Variants in TENM1 observed in about 807,000 individuals in gnomAD.
TENM1 encodes the protein teneurin transmembrane protein 1, also known as teneurin-1.
TENM1 carries 35 observed loss-of-function variants against 174.8 expected under a neutral mutation model. The observed-to-expected ratio is 0.20, with a 90% confidence interval of 0.15 to 0.27. TENM1 has a LOEUF of 0.27. Ranked by LOEUF, TENM1 falls within the 10% of genes least tolerant of loss-of-function variation. The pLI, the probability that TENM1 is intolerant of heterozygous loss-of-function variation, is 1.00. For synonymous variants in TENM1, 781 were observed against 798.7 expected (o/e 0.98, Z 0.37); for missense variants, 1,633 against 2,130.1 (o/e 0.77, Z 4.59).
At chrX:124,995,482 A>T in the TENM1 span, among the ~76,000 whole-genome samples, 3 of 111,334 alleles carry the variant, frequency 2.7e-5, no homozygotes, top group East Asian at 8.5e-4. Flanking sequence ...CTAGCATAGA[A>T]TTTTTCAAGG....
At chrX:125,082,343 A>G in the TENM1 span, among the ~76,000 whole-genome samples, 1 of 110,488 alleles carries the variant, frequency 9.1e-6, no homozygotes, top group Non-Finnish European at 1.9e-5. Context: ...TTTCTACAAC[A>G]TATGAATCAG....
At chrX:124,547,449 C>T (rs2186) in intron 14 of TENM1, among the ~76,000 whole-genome samples, 32,923 of 111,037 alleles carry the variant, frequency 0.3, 3,866 homozygotes, top group East Asian at 0.78. Flanking sequence ...TTTCCGAATG[C>T]GATGATTTCT....
chrX:124,670,260 T>C (rs1368750116), intron 6 of TENM1, among the ~76,000 whole-genome samples: 1 of 112,410 alleles, frequency 8.9e-6, no homozygotes, highest in Non-Finnish European at 1.9e-5. Flanking sequence ...TGTTTCATTT[T>C]CCTCAGACAG....
chrX:124,676,864 CAAA>C (rs57417124), intron 5 of TENM1, among the ~76,000 whole-genome samples: 1,308 of 57,066 alleles, frequency 0.023, 12 homozygotes, highest in South Asian at 0.036. Flanking sequence ...CTCATTGACT[CAAA>C]AAAAAAAAAA....
At chrX:124,448,678 G>A (rs897615184) in intron 23 of TENM1, among the ~76,000 whole-genome samples, 3 of 111,945 alleles carry the variant, frequency 2.7e-5, no homozygotes, top group African/African-American at 9.7e-5. Flanking sequence ...AGGTATAGAT[G>A]TTAACTGTAC....
intron 3 of TENM1, among the ~76,000 whole-genome samples, chrX:124,822,444 C>G (rs950032428): frequency 1.8e-5 from 2 of 111,982 alleles, no homozygotes; most frequent in Non-Finnish European, 3.8e-5. Flanking sequence ...TTACATGTGT[C>G]TGTTGCATCC....
At chrX:124,916,284 T>C in intron 1 of TENM1, among the ~76,000 whole-genome samples, 1 of 111,422 alleles carries the variant, frequency 9.0e-6, no homozygotes, top group Non-Finnish European at 1.9e-5. Context: ...GGTTTGAATG[T>C]TTTCCCCCTC....
intron 17 of TENM1, among the ~76,000 whole-genome samples, chrX:124,522,340 C>T (rs2047869196): frequency 9.0e-6 from 1 of 111,346 alleles, no homozygotes; most frequent in South Asian, 3.8e-4. Context: ...ATTTCTGGAT[C>T]TGTTAAGACC....
At chrX:125,138,635 A>G in the TENM1 span, among the ~76,000 whole-genome samples, 1 of 110,994 alleles carries the variant, frequency 9.0e-6, no homozygotes, top group Non-Finnish European at 1.9e-5. Context: ...GTATGCTGTT[A>G]GAAGACAGAA....
At chrX:124,862,534 C>T (rs1434810021) in intron 3 of TENM1, among the ~76,000 whole-genome samples, 1 of 110,974 alleles carries the variant, frequency 9.0e-6, no homozygotes, top group African/African-American at 3.3e-5. Context: ...ATAACCGGAC[C>T]AAACTCAGCA....
chrX:124,492,126 C>T (rs1441192760), intron 20 of TENM1, among the ~76,000 whole-genome samples: 1 of 111,794 alleles, frequency 8.9e-6, no homozygotes, highest in East Asian at 2.8e-4. Context: ...CTCTCTATCC[C>T]ATTCTACAAT....
At chrX:124,487,710 T>C (rs2046982406) in intron 20 of TENM1, among the ~76,000 whole-genome samples, 2 of 111,508 alleles carry the variant, frequency 1.8e-5, no homozygotes, top group Non-Finnish European at 3.8e-5. Flanking sequence ...GGACTAACCA[T>C]TTTAGGCTTT....
chrX:125,138,808 A>C, the TENM1 span, among the ~76,000 whole-genome samples: 1 of 110,817 alleles, frequency 9.0e-6, no homozygotes, highest in African/African-American at 3.3e-5. Flanking sequence ...TTTTCTATTA[A>C]GTATATTAAA....
rs2054741972 is a variant in TENM1, at chrX:124,774,710, C to CCAA, written c.536-37514_536-37513insTTG. Among the ~76,000 whole-genome samples the CCAA allele has an allele frequency of 4.5e-5, 5 of 111,659 alleles. 1 individual carries two copies. The highest frequency in any genetic ancestry group is 9.3e-3 in the Middle Eastern group (2 of 216). On this transcript the variant is annotated intron_variant, in intron 3 of 31. Transcript: ENST00000422452. ...ATGCTGAGTCCACACTTCTTATGGG[C>CCAA]TACTTCCAGCCAATGACTGTACTAA...
chrX:124,951,673 T>TATATATATATAA (rs767583231), intron 1 of TENM1, among the ~76,000 whole-genome samples: 1,955 of 65,884 alleles, frequency 0.03, 43 homozygotes, highest in East Asian at 0.037. Context: ...TATATATATA[T>TATATATATATAA]AACAATCAAT....
chrX:124,723,789 C>T (rs1311653117), intron 4 of TENM1, among the ~76,000 whole-genome samples: 5 of 109,415 alleles, frequency 4.6e-5, no homozygotes, highest in Non-Finnish European at 7.6e-5. Flanking sequence ...TTAGTAGAGA[C>T]GGGGTTTCAC....
chrX:124,803,190 ATGTTAACCTT>A (rs781402735), intron 3 of TENM1, among the ~76,000 whole-genome samples: 2 of 111,966 alleles, frequency 1.8e-5, no homozygotes, highest in African/African-American at 6.5e-5. Context: ...ATAATAATGA[ATGTTAACCTT>A]TCATTATATT....
At chrX:124,535,710 C>G (rs1160719031) in intron 15 of TENM1, among the ~76,000 whole-genome samples, 1 of 112,168 alleles carries the variant, frequency 8.9e-6, no homozygotes, top group Non-Finnish European at 1.9e-5. Flanking sequence ...AGGGCAAAAA[C>G]TGTGTGATTT....
At chrX:124,940,080 T>TC (rs781063678) in intron 1 of TENM1, among the ~76,000 whole-genome samples, 1 of 112,160 alleles carries the variant, frequency 8.9e-6, no homozygotes, top group Non-Finnish European at 1.9e-5. Flanking sequence ...CATTGAATGA[T>TC]GGACTCAATT....
Sources: allele counts gnomAD v4.1 joint callset (sites outside exome capture counted in the v4.1 genomes callset), GRCh38; gene constraint gnomAD v4.1.1; transcripts MANE v1.5; gene names NCBI Gene and HGNC (gene_info 2026-07-23, HGNC 2026-07-21).